Variants in BEND5 observed in about 807,000 individuals in gnomAD.
The protein encoded by BEND5 is BEN domain-containing protein 5.
BEND5 carries 22 observed loss-of-function variants against 43.9 expected under a neutral mutation model. That is an observed-to-expected ratio of 0.50 (90% CI 0.36 to 0.72). BEND5 has a LOEUF of 0.72. BEND5 is among the 30% of genes least tolerant of loss of function. BEND5 has a pLI of 0.00. For synonymous variants in BEND5, 228 were observed against 225.9 expected (o/e 1.01, Z -0.08); for missense variants, 428 against 550.6 (o/e 0.78, Z 2.23).
chr1:48,776,235 A>G (rs1645072948), intron 1 of BEND5, among the ~76,000 whole-genome samples: 1 of 152,192 alleles, frequency 6.6e-6, no homozygotes, highest in Admixed American at 6.5e-5. Context: ...AGGAACTGGG[A>G]GAGAGGTAAA....
Position 48,776,641 on chromosome 1 carries a change from A to G in BEND5, c.191T>C (p.Leu64Pro). ...CAGGATCTGGGCCTTGTGGAGCAAC[A>G]GCGCGCCCCAGTCGCGGGGGGCGCG... is the stretch of plus-strand genomic sequence containing the variant. ...PPRAPRDWGA[L>P]LLHKAQILAL... The change falls in exon 1 of 6, where the codon CTG (leucine) becomes CCG (proline). Residue 64 changes from leucine (L) to proline (P), a missense_variant. Physicochemically the swap from Leu to Pro is moderately conservative, Grantham distance 98 (BLOSUM62 -3). Transcript: ENST00000371833. 4 of 1,481,090 alleles carry G rather than the reference A, an allele frequency of 2.7e-6. No individual in the cohort carries two copies. The highest frequency in any genetic ancestry group is 5.9e-5 in the East Asian group (2 of 34,078). The allele number at this position is 1,481,090 out of a possible 1,614,324, so 91.7% of individuals were successfully genotyped here.
At chr1:48,771,356 A>G (rs1644821275) in intron 1 of BEND5, among the ~76,000 whole-genome samples, 2 of 152,300 alleles carry the variant, frequency 1.3e-5, no homozygotes, top group African/African-American at 4.8e-5. Flanking sequence ...AAAAATAAAA[A>G]CTGGTGTGCT....
At chr1:48,728,359 T>A (rs1420940462) in intron 5 of BEND5, among the ~76,000 whole-genome samples, 2 of 150,258 alleles carry the variant, frequency 1.3e-5, no homozygotes, top group East Asian at 3.9e-4. Context: ...ATAACCATTC[T>A]CCTGAACTTT....
In BEND5 at chr1:48,749,775, T is replaced by C. The variant is rs138484116; in HGVS notation, c.746-7004A>G. On this transcript the variant is annotated intron_variant, in intron 3 of 5. Transcript: ENST00000371833. ...ACTGGTTCTTCATCTGTGGTTCTTCTACTTCTCTCCTGCCCAACTATCTGT... is the reference window on the plus strand; with the variant it reads ...ACTGGTTCTTCATCTGTGGTTCTTCCACTTCTCTCCTGCCCAACTATCTGT... Among the ~76,000 whole-genome samples, 14 of 152,346 alleles carry C rather than the reference T, an allele frequency of 9.2e-5. No individual in the cohort carries two copies. In the East Asian group the frequency reaches 2.3e-3, roughly 25 times the overall value.
intron 1 of BEND5, among the ~76,000 whole-genome samples, chr1:48,766,349 C>T (rs1366215238): frequency 6.6e-6 from 1 of 152,172 alleles, no homozygotes; most frequent in African/African-American, 2.4e-5. Flanking sequence ...TAAACACATT[C>T]CTGGAACATG....
In BEND5 at chr1:48,727,701, G is replaced by T; in HGVS notation, c.*185C>A. ...GACACCAGTGCCAGGCTGCTCCTGA[G>T]TCTCAGCAAAGCCATCTGTCGTCTT... On this transcript the variant is annotated 3_prime_UTR_variant, in exon 6 of 6. Coordinates refer to ENST00000371833, the MANE Select transcript of BEND5 (RefSeq NM_024603.4). 1 of 422,958 alleles carries T rather than the reference G, an allele frequency of 2.4e-6. No homozygotes were observed. 26.2% of individuals were successfully genotyped at this position (422,958 alleles called of 1,614,324 possible).
At position 48,759,080 on chromosome 1, in the gene BEND5, T is replaced by G. The variant is rs770750910; in HGVS notation, c.565A>C (p.Asn189His). The G allele has an allele frequency of 6.2e-7, 1 of 1,612,860 alleles. No individual in the cohort carries two copies. The highest frequency in any genetic ancestry group is 8.5e-7 in the Non-Finnish European group (1 of 1,179,416). Reference protein sequence around the residue: ...PRALYEELLRNYQQQQEEMRH... With the variant: ...PRALYEELLRHYQQQQEEMRH... ...ATCTCTTCCTGTTGCTGCTGGTAGT[T>G]GCGCAGCAGCTCCTCATACAGAGCC... The change falls in exon 3 of 6, where the codon AAC becomes CAC. Residue 189 changes from asparagine to histidine, a missense_variant. Physicochemically the swap from Asn to His is moderately conservative, Grantham distance 68. This residue lies in a region of BEND5 where 243 missense variants were observed against 286.4 expected (regional missense o/e 0.85). Transcript: ENST00000371833.
At chr1:48,771,752 A>C (rs1231350266) in intron 1 of BEND5, among the ~76,000 whole-genome samples, 1 of 152,226 alleles carries the variant, frequency 6.6e-6, no homozygotes, top group Non-Finnish European at 1.5e-5. Flanking sequence ...TAGAAGTTCC[A>C]AAGCATTTCT....
At chr1:48,758,020 C>A (rs1644037048) in intron 3 of BEND5, among the ~76,000 whole-genome samples, 1 of 152,144 alleles carries the variant, frequency 6.6e-6, no homozygotes, top group African/African-American at 2.4e-5. Context: ...GCAGTCATTT[C>A]TTCCGGCAGT....
At chr1:48,759,643 C>A (rs541190696) in intron 2 of BEND5, among the ~76,000 whole-genome samples, 1 of 152,316 alleles carries the variant, frequency 6.6e-6, no homozygotes, top group South Asian at 2.1e-4. Flanking sequence ...CAGTGGCTTG[C>A]TCATGGGGGT....
chr1:48,757,576 T>C (rs1339378627), intron 3 of BEND5, among the ~76,000 whole-genome samples: 1 of 152,174 alleles, frequency 6.6e-6, no homozygotes, highest in Non-Finnish European at 1.5e-5. Context: ...GAAGTCCCAA[T>C]GTCATTTCCT....
chr1:48,733,179 G>T (rs1393158936), intron 5 of BEND5, among the ~76,000 whole-genome samples: 1 of 152,170 alleles, frequency 6.6e-6, no homozygotes, highest in Non-Finnish European at 1.5e-5. Context: ...GCCCTTTAAG[G>T]AGGGTTTCTT....
chr1:48,749,012 A>G (rs948236465), intron 3 of BEND5, among the ~76,000 whole-genome samples: 1 of 152,048 alleles, frequency 6.6e-6, no homozygotes, highest in African/African-American at 2.4e-5. Context: ...AGAGCAGCAG[A>G]GTTGAAATGG....
rs139205698 is a variant in BEND5, at chr1:48,727,910, C to T, written c.1242G>A (p.Arg414=). The change falls in exon 6 of 6, where the codon AGG becomes AGA. Residue 414 remains arginine (R), a synonymous_variant. Transcript: ENST00000371833. ...INKSCKNEER[R]EAKYNLQ ...TTTATTGCAAATTGTATTTTGCTTC[C>T]CTTCGTTCTTCATTTTTACAGGATT... is the stretch of plus-strand genomic sequence containing the variant. 881 of 1,604,314 alleles carry T rather than the reference C, an allele frequency of 5.5e-4. 1 individual carries two copies. Among genetic ancestry groups the T allele is most frequent in the Non-Finnish European group, 5.6e-4 (654 of 1,173,694 alleles).
At chr1:48,754,565 G>T (rs1239462658) in intron 3 of BEND5, among the ~76,000 whole-genome samples, 2 of 152,078 alleles carry the variant, frequency 1.3e-5, no homozygotes, top group Non-Finnish European at 2.9e-5. Flanking sequence ...GGGGGAGGAG[G>T]GGCAGGAAAG....
chr1:48,730,151 C>G (rs373541459), intron 5 of BEND5, among the ~76,000 whole-genome samples: 1 of 152,150 alleles, frequency 6.6e-6, no homozygotes, highest in Non-Finnish European at 1.5e-5. Flanking sequence ...TGTCAAAGCA[C>G]GAATCACAAT....
intron 2 of BEND5, chr1:48,761,106 T>C: frequency 2.0e-6 from 1 of 494,958 alleles, no homozygotes; most frequent in African/African-American, 1.9e-5. Context: ...GCACAGACTG[T>C]GCAAACAGGA....
intron 4 of BEND5, among the ~76,000 whole-genome samples, chr1:48,741,070 C>T (rs1280671601): frequency 6.6e-6 from 1 of 152,114 alleles, no homozygotes; most frequent in Non-Finnish European, 1.5e-5. Context: ...GCAAAAGAGG[C>T]CCCCTATAAT....
chr1:48,750,898 C>G (rs1042609320), intron 3 of BEND5, among the ~76,000 whole-genome samples: 3 of 151,976 alleles, frequency 2.0e-5, no homozygotes, highest in African/African-American at 7.3e-5. Flanking sequence ...TAAGAATTAC[C>G]CCCCACACTC....
Sources: gnomAD v4.1 joint callset for allele counts (sites outside exome capture counted in the v4.1 genomes callset) on GRCh38, gnomAD v4.1.1 for gene constraint, gnomAD v4.1.1 regional missense constraint, MANE v1.5 for transcripts, NCBI Gene and HGNC (gene_info 2026-07-23, HGNC 2026-07-21) for gene names.